CIT: variants seen among roughly 807,000 people sequenced by gnomAD.
CIT encodes citron Rho-interacting kinase.
Under a neutral mutation model 272.7 loss-of-function variants are expected in CIT, and 79 were observed. The observed-to-expected ratio is 0.29, with a 90% confidence interval of 0.24 to 0.35. CIT has a LOEUF of 0.35. CIT is among the 10% of genes least tolerant of loss of function. CIT has a pLI of 1.00. For synonymous variants in CIT, 948 were observed against 995.6 expected (o/e 0.95, Z 0.90); for missense variants, 1,909 against 2,618.3 (o/e 0.73, Z 5.91).
At chr12:119,788,756 G>C (rs889791609) in intron 10 of CIT, among the ~76,000 whole-genome samples, 5 of 152,162 alleles carry the variant, frequency 3.3e-5, no homozygotes, top group African/African-American at 1.2e-4. Flanking sequence ...ACTCGAAAGA[G>C]ACCATGCGAC....
chr12:119,722,400 G>A (rs1437028940), intron 28 of CIT, among the ~76,000 whole-genome samples: 1 of 152,164 alleles, frequency 6.6e-6, no homozygotes, highest in Non-Finnish European at 1.5e-5. Context: ...AAAGGCCTAT[G>A]GCAGCCCCCA....
At chr12:119,863,201 CAA>C (rs751421292) in intron 3 of CIT, among the ~76,000 whole-genome samples, 14 of 40,520 alleles carry the variant, frequency 3.5e-4, no homozygotes, top group Admixed American at 8.9e-4. Flanking sequence ...GACTCTGTAT[CAA>C]AAAAAAAAAA....
chr12:119,745,975 G>C (rs1959337338), intron 23 of CIT, among the ~76,000 whole-genome samples: 1 of 151,578 alleles, frequency 6.6e-6, no homozygotes, highest in African/African-American at 2.4e-5. Flanking sequence ...CCTGCTTTTT[G>C]CCCAGCAATA....
chr12:119,764,008 C>T (rs1484632539), intron 19 of CIT, among the ~76,000 whole-genome samples: 1 of 152,120 alleles, frequency 6.6e-6, no homozygotes, highest in Admixed American at 6.5e-5. Context: ...CTAAGTAAAA[C>T]AGAAGCAGGG....
intron 23 of CIT, among the ~76,000 whole-genome samples, chr12:119,750,703 T>C (rs1421910095): frequency 6.6e-6 from 1 of 151,698 alleles, no homozygotes; most frequent in Non-Finnish European, 1.5e-5. Context: ...AACCCAACAA[T>C]GGGCAATAAC....
At chr12:119,705,116 T>C (rs529086641) in intron 40 of CIT, among the ~76,000 whole-genome samples, 1 of 152,312 alleles carries the variant, frequency 6.6e-6, no homozygotes, top group South Asian at 2.1e-4. Context: ...TTTTGCCATG[T>C]TGGCCAGGCT....
At chr12:119,742,277 T>C (rs898453694) in intron 24 of CIT, 134 bp downstream of exon 24, 23 of 582,644 alleles carry the variant, frequency 3.9e-5, no homozygotes, top group Admixed American at 7.7e-5. Context: ...CCAAATAAGG[T>C]TGATTGCATT....
chr12:119,776,785 G>C lies in CIT; in HGVS notation c.1723C>G (p.Leu575Val). ...TCACTCCGTCTTCTTGCTGAGACAA[G>C]ATCCTCTTCCAACTGATTCATCATC... ...RLMMNQLEED[L>V]VSARRRSDLY... Residue 575 changes from leucine to valine, a missense_variant, in exon 14 of 48, where the codon CTT (leucine) becomes GTT (valine). Physicochemically the swap from Leu to Val is conservative, Grantham distance 32. Coordinates refer to ENST00000392521, the MANE Select transcript of CIT (RefSeq NM_001206999.2). The C allele has an allele frequency of 1.2e-6, 2 of 1,614,082 alleles. No individual in the cohort carries two copies. Among genetic ancestry groups the C allele is most frequent in the African/African-American group, 1.3e-5 (1 of 75,034 alleles).
chr12:119,747,771 TTTTA>T (rs1256624901), intron 23 of CIT, among the ~76,000 whole-genome samples: 2 of 152,218 alleles, frequency 1.3e-5, no homozygotes, highest in Non-Finnish European at 2.9e-5. Context: ...AATATTTATT[TTTTA>T]TTTCTTTTAA....
chr12:119,725,940 A>G (rs1344641300), intron 28 of CIT, among the ~76,000 whole-genome samples: 1 of 152,218 alleles, frequency 6.6e-6, no homozygotes, highest in Non-Finnish European at 1.5e-5. Context: ...CACGAGGTAC[A>G]TTTAACATTT....
Position 119,815,107 on chromosome 12 carries a change from C to A in CIT, c.1111+7713G>T, listed in dbSNP as rs201436480. Among the ~76,000 whole-genome samples the A allele has an allele frequency of 0.015, 238 of 15,518 alleles. 1 individual carries two copies. In the East Asian group the frequency reaches 0.34, roughly 22 times the overall value. The allele number at this position is 15,518 out of a possible 152,430, so 10.2% of individuals were successfully genotyped here. On this transcript the variant is annotated intron_variant, in intron 9 of 47. Transcript: ENST00000392521. The stretch of plus-strand genomic sequence containing the variant: ...ACATACCACACACACACACACACAA[C>A]ACACACACACACACACACACACACA...
At chr12:119,806,705 C>T (rs974617299) in intron 9 of CIT, among the ~76,000 whole-genome samples, 9 of 145,546 alleles carry the variant, frequency 6.2e-5, no homozygotes, top group African/African-American at 1.0e-4. Flanking sequence ...CTACACCTTA[C>T]GGGTGCAACA....
chr12:119,721,510 G>C, intron 28 of CIT, 61 bp from the exon 29 acceptor site: 1 of 1,439,816 alleles, frequency 6.9e-7, no homozygotes, highest in Non-Finnish European at 9.3e-7. Flanking sequence ...TTGTTCCCCT[G>C]CTGTTCCTAT....
chr12:119,710,677 T>A lies in CIT; in HGVS notation c.4855-57A>T. The A allele has an allele frequency of 6.6e-7, 1 of 1,506,298 alleles. No homozygotes were observed. The highest frequency in any genetic ancestry group is 9.2e-7 in the Non-Finnish European group (1 of 1,082,138). 93.3% of individuals were successfully genotyped at this position (1,506,298 alleles called of 1,614,324 possible). A position where few individuals can be genotyped will look rare whatever the true frequency, so the allele number is the denominator to read the frequency against. On this transcript the variant is annotated intron_variant, in intron 37 of 47. Coordinates refer to ENST00000392521, the MANE Select transcript of CIT (RefSeq NM_001206999.2). The surrounding 1 kb of genome is among the most constrained non-coding windows in gnomAD (Gnocchi z 5.6). Reference sequence around the variant, plus strand: ...AGACATCGTGAGGCTGATCTGTTTATGACCAAACCATCCAGAGAAACCAAG... The same window carrying A: ...AGACATCGTGAGGCTGATCTGTTTAAGACCAAACCATCCAGAGAAACCAAG...
In CIT at chr12:119,770,722, C is replaced by G. The variant is rs1000380680; in HGVS notation, c.2208+63G>C. Reference sequence around the variant, plus strand: ...TGTGGCGGTTAATTCTTCTTCTTACCCCCTTCCCTTTGCAAACTCTAACCT... The same window carrying G: ...TGTGGCGGTTAATTCTTCTTCTTACGCCCTTCCCTTTGCAAACTCTAACCT... On this transcript the variant is annotated intron_variant, in intron 18 of 47. Coordinates refer to ENST00000392521, the MANE Select transcript of CIT (RefSeq NM_001206999.2). This position sits in a 1 kb window ranked among gnomAD's most constrained non-coding sequence, Gnocchi z 4.4. 1.3e-6 allele frequency: 2 copies of G among 1,594,288 alleles called. No individual in the cohort carries two copies. Among genetic ancestry groups the G allele is most frequent in the African/African-American group, 2.7e-5 (2 of 74,464 alleles).
In CIT at chr12:119,851,113, C is replaced by G. The variant is rs1282483317; in HGVS notation, c.415-838G>C. On this transcript the variant is annotated intron_variant, in intron 4 of 47. Transcript: ENST00000392521. ...CTTTTTATTTTTGTAGAGACAGAGTCTCTCTCTGTTTCCCAAGCTGGTGTT... is the reference window on the plus strand; with the variant it reads ...CTTTTTATTTTTGTAGAGACAGAGTGTCTCTCTGTTTCCCAAGCTGGTGTT... 2.6e-5 allele frequency among the ~76,000 whole-genome samples: 4 copies of G among 151,632 alleles called. No individual in the cohort carries two copies. The East Asian group carries it at 7.7e-4, about 29-fold the overall frequency.
At chr12:119,782,405 C>G (rs540613259) in intron 13 of CIT, 113 bp downstream of exon 13, 16 of 1,256,042 alleles carry the variant, frequency 1.3e-5, no homozygotes, top group Non-Finnish European at 3.4e-6. Flanking sequence ...CACTCTGCCC[C>G]CACCCTTTCT....
intron 13 of CIT, among the ~76,000 whole-genome samples, chr12:119,778,995 G>A (rs946230729): frequency 3.9e-5 from 6 of 152,078 alleles, no homozygotes; most frequent in African/African-American, 1.2e-4. Flanking sequence ...CCGAGGTGGC[G>A]GATCACTTGA....
intron 32 of CIT, among the ~76,000 whole-genome samples, chr12:119,714,770 G>C (rs946585365): frequency 2.6e-5 from 4 of 152,152 alleles, no homozygotes; most frequent in African/African-American, 7.2e-5. Context: ...AACTCAGTCT[G>C]GTAGTTCTGT....
Sources: allele counts gnomAD v4.1 joint callset (sites outside exome capture counted in the v4.1 genomes callset), GRCh38; gene constraint gnomAD v4.1.1; non-coding constraint Gnocchi (gnomAD v3.1); transcripts MANE v1.5; gene names NCBI Gene and HGNC (gene_info 2026-07-23, HGNC 2026-07-21).